PRDM5: variants seen among roughly 807,000 people sequenced by gnomAD.
PRDM5 encodes the protein PR domain zinc finger protein 5.
A neutral mutation model predicts 81.2 loss-of-function variants in PRDM5; 56 were observed. The observed-to-expected ratio is 0.69, with a 90% CI of 0.56 to 0.86. The LOEUF is 0.86. PRDM5 is among the 40% of genes least tolerant of loss of function. PRDM5 has a pLI of 0.00. For synonymous variants in PRDM5, 267 were observed against 256.4 expected (o/e 1.04, Z -0.39); for missense variants, 697 against 770.1 (o/e 0.91, Z 1.12).
chr4:120,751,195 C>T (rs1743953704), intron 14 of PRDM5, among the ~76,000 whole-genome samples: 2 of 152,028 alleles, frequency 1.3e-5, no homozygotes, highest in South Asian at 4.2e-4. Flanking sequence ...AGGAATGAGC[C>T]ACTGTGCCAG....
intron 2 of PRDM5, among the ~76,000 whole-genome samples, chr4:120,876,075 G>C (rs1350735026): frequency 6.6e-6 from 1 of 152,132 alleles, no homozygotes; most frequent in African/African-American, 2.4e-5. Flanking sequence ...CTAGGTGAAT[G>C]AAGAAAACTG....
chr4:120,722,033 A>G (rs570231335), intron 14 of PRDM5, among the ~76,000 whole-genome samples: 2 of 152,184 alleles, frequency 1.3e-5, no homozygotes, highest in African/African-American at 4.8e-5. Context: ...GGCCAAAGAG[A>G]GAAAGAGTTA....
At chr4:120,817,983 T>C (rs958424592) in intron 5 of PRDM5, among the ~76,000 whole-genome samples, 3 of 152,162 alleles carry the variant, frequency 2.0e-5, no homozygotes, top group Admixed American at 6.5e-5. Context: ...CCAGAAGGAA[T>C]ATAAAACGTA....
intron 4 of PRDM5, among the ~76,000 whole-genome samples, chr4:120,819,362 T>C (rs1232487854): frequency 6.6e-6 from 1 of 152,230 alleles, no homozygotes; most frequent in Non-Finnish European, 1.5e-5. Context: ...GGGTGGCTTG[T>C]TTCTTTTGCT....
chr4:120,685,952 C>T (rs1733818540), intron 1 of PRDM5, among the ~76,000 whole-genome samples: 1 of 151,966 alleles, frequency 6.6e-6, no homozygotes, highest in South Asian at 2.1e-4. Context: ...GTGGATTTCT[C>T]ATGAATGGTT....
At chr4:120,839,131 G>A (rs1011902831) in intron 3 of PRDM5, 1 of 666,946 alleles carries the variant, frequency 1.5e-6, no homozygotes, top group Non-Finnish European at 2.8e-6. Flanking sequence ...GGCTTGGGGA[G>A]CTCCCAGGTC....
At chr4:120,771,112 G>C (rs958356760) in intron 13 of PRDM5, among the ~76,000 whole-genome samples, 1 of 151,826 alleles carries the variant, frequency 6.6e-6, no homozygotes, top group African/African-American at 2.4e-5. Context: ...CATGAATTAT[G>C]AGTTCTTTTA....
chr4:120,716,473 T>C (rs1049584815), intron 14 of PRDM5, among the ~76,000 whole-genome samples: 2 of 152,144 alleles, frequency 1.3e-5, no homozygotes, highest in African/African-American at 4.8e-5. Flanking sequence ...GAGAAGCACA[T>C]GAAGGCCCCA....
rs1440934556 is a variant in PRDM5 at position 120,844,018 on chromosome 4, G to C, written c.300+9400C>G. Among the ~76,000 whole-genome samples the C allele has an allele frequency of 5.3e-5, 8 of 152,218 alleles. No homozygotes were observed. The South Asian group carries it at 1.7e-3, about 32-fold the overall frequency. ...GATGCTTCGTGCACCTAAACACAGA[G>C]GAGCTCAGTAGCAGGGTGCATAGGC... On this transcript the variant is annotated intron_variant, in intron 3 of 15. Transcript: ENST00000264808.
chr4:120,703,037 T>C (rs1443101946), intron 15 of PRDM5, among the ~76,000 whole-genome samples: 1 of 152,142 alleles, frequency 6.6e-6, no homozygotes, highest in Non-Finnish European at 1.5e-5. Flanking sequence ...ATTCATGCTG[T>C]TGCTCTCCTG....
At chr4:120,896,246 A>G (rs1764598106) in intron 2 of PRDM5, 1 of 151,876 alleles carries the variant, frequency 6.6e-6, no homozygotes, top group Admixed American at 6.6e-5. Flanking sequence ...TACTTCTGAC[A>G]TGATCATTTA....
In PRDM5 at chr4:120,818,484, T is replaced by C; in HGVS notation, c.519A>G (p.Glu173=). The C allele has an allele frequency of 1.9e-6, 3 of 1,613,766 alleles. No homozygotes were observed. Among genetic ancestry groups the C allele is most frequent in the Non-Finnish European group, 2.5e-6 (3 of 1,179,690 alleles). ...CKEDYACPQC[E]SSFTSEDILA... is the part of the protein sequence containing the mutation. The stretch of plus-strand genomic sequence containing the variant: ...GAATATCCTCACTGGTAAAACTCGA[T>C]TCACATTGAGGACAAGCATAGTCCT... Residue 173 remains glutamate, a synonymous_variant, in exon 5 of 16, where the codon GAA becomes GAG. Transcript: ENST00000264808.
intron 2 of PRDM5, 67 bp downstream of exon 2, chr4:120,907,407 C>T: frequency 7.8e-7 from 1 of 1,283,386 alleles, no homozygotes; most frequent in South Asian, 1.2e-5. Context: ...ATTAATGTAG[C>T]CTTAAAAATG....
intron 2 of PRDM5, among the ~76,000 whole-genome samples, chr4:120,899,125 C>T (rs2148654710): frequency 6.6e-6 from 1 of 151,002 alleles, no homozygotes; most frequent in East Asian, 2.0e-4. Context: ...ATGGTTCCCT[C>T]TCTTCAGCTG....
chr4:120,803,860 C>A (rs941806663), intron 8 of PRDM5, among the ~76,000 whole-genome samples: 1 of 152,096 alleles, frequency 6.6e-6, no homozygotes, highest in South Asian at 2.1e-4. Context: ...ACAATATTAA[C>A]CTTAAATGTA....
chr4:120,909,275 A>G (rs567751025), intron 1 of PRDM5, among the ~76,000 whole-genome samples: 153 of 152,298 alleles, frequency 1.0e-3, no homozygotes, highest in Non-Finnish European at 1.8e-3. Flanking sequence ...TCCACTGCTG[A>G]GGCCACCTGA....
intron 4 of PRDM5, among the ~76,000 whole-genome samples, chr4:120,819,641 T>C (rs1317575688): frequency 6.6e-6 from 1 of 152,184 alleles, no homozygotes; most frequent in Non-Finnish European, 1.5e-5. Flanking sequence ...TGAAAACTGG[T>C]ATTTTAATAA....
chr4:120,756,666 G>T (rs1461956620), intron 13 of PRDM5, among the ~76,000 whole-genome samples: 1 of 152,170 alleles, frequency 6.6e-6, no homozygotes, highest in East Asian at 1.9e-4. Context: ...CTGCTAAATG[G>T]TGGTAGCTCC....
At chr4:120,840,264 C>G (rs1757860440) in intron 3 of PRDM5, among the ~76,000 whole-genome samples, 1 of 152,170 alleles carries the variant, frequency 6.6e-6, no homozygotes, top group African/African-American at 2.4e-5. Flanking sequence ...CAAGCTCTCC[C>G]CATTGGCCCT....
Sources: gnomAD v4.1 joint callset for allele counts (sites outside exome capture counted in the v4.1 genomes callset) on GRCh38, gnomAD v4.1.1 for gene constraint, MANE v1.5 for transcripts, NCBI Gene and HGNC (gene_info 2026-07-23, HGNC 2026-07-21) for gene names.